Variants in TEKTIP1 observed in about 807,000 individuals in gnomAD.
TEKTIP1 encodes tektin bundle interacting protein 1.
At chr19:3,542,471 GTC>G in the TEKTIP1 span, 2 of 984,820 alleles carry the variant, frequency 2.0e-6, no homozygotes, top group Non-Finnish European at 2.4e-6. Flanking sequence ...ACATCTTTGA[GTC>G]TCTTGTCTTT....
chr19:3,539,338 G>A, the TEKTIP1 span: 1 of 777,540 alleles, frequency 1.3e-6, no homozygotes, highest in Non-Finnish European at 2.0e-6. Context: ...CATGGTGTTT[G>A]GTTTGGGGTC....
chr19:3,542,946 C>T, the TEKTIP1 span: 1 of 1,497,560 alleles, frequency 6.7e-7, no homozygotes, highest in Non-Finnish European at 9.0e-7. Flanking sequence ...GGCCCTTGTC[C>T]TCTCCCCTCC....
At chr19:3,540,902 G>A in the TEKTIP1 span, among the ~76,000 whole-genome samples, 3 of 146,996 alleles carry the variant, frequency 2.0e-5, no homozygotes, top group African/African-American at 2.4e-5. Flanking sequence ...CAGGCGCAGT[G>A]GCTCACGCCT....
At chr19:3,539,483 T>C in the TEKTIP1 span, 1 of 541,862 alleles carries the variant, frequency 1.8e-6, no homozygotes, top group Admixed American at 3.1e-5. Context: ...CAAATGTGTC[T>C]GCGGCCGTCT....
At chr19:3,539,869 T>A in the TEKTIP1 span, 2 of 152,376 alleles carry the variant, frequency 1.3e-5, no homozygotes, top group African/African-American at 4.8e-5. Context: ...CAGTGTCTAT[T>A]ATCAATTGTT....
At chr19:3,540,096 T>TG in the TEKTIP1 span, 2 of 144,674 alleles carry the variant, frequency 1.4e-5, no homozygotes, top group Admixed American at 1.4e-4. Context: ...TTTCTTTTTT[T>TG]TTTTTTTTTT....
chr19:3,542,194 A>C, the TEKTIP1 span: 4 of 985,386 alleles, frequency 4.1e-6, no homozygotes, highest in Non-Finnish European at 4.8e-6. Context: ...CTGATCTTGA[A>C]ATTGCCTTTC....
chr19:3,542,770 A>G, the TEKTIP1 span: 25 of 1,361,960 alleles, frequency 1.8e-5, no homozygotes, highest in Middle Eastern at 2.3e-4. Context: ...AGCGTGAGCC[A>G]CACACCTGGC....
the TEKTIP1 span, chr19:3,541,622 A>G: frequency 2.0e-6 from 2 of 984,732 alleles, no homozygotes; most frequent in South Asian, 4.7e-5. Context: ...CACCCAGTGC[A>G]AGACCCTATT....
chr19:3,541,888 A>G, the TEKTIP1 span: 58 of 765,618 alleles, frequency 7.6e-5, no homozygotes, highest in East Asian at 6.3e-3. Context: ...GGCTCACTGC[A>G]ACCTCCGCCT....
chr19:3,543,881 C>G, the TEKTIP1 span: 2 of 1,550,494 alleles, frequency 1.3e-6, no homozygotes, highest in Non-Finnish European at 1.7e-6. Flanking sequence ...CATCAGACTA[C>G]GTGCCCTCCC....
the TEKTIP1 span, chr19:3,543,661 A>C: frequency 5.2e-6 from 8 of 1,541,018 alleles, no homozygotes; most frequent in South Asian, 6.0e-5. Flanking sequence ...AAGACAGGCC[A>C]ATCCGGGGCA....
chr19:3,542,948 C>T, the TEKTIP1 span: 2 of 1,501,902 alleles, frequency 1.3e-6, no homozygotes, highest in Non-Finnish European at 1.8e-6. Context: ...CCCTTGTCCT[C>T]TCCCCTCCCT....
chr19:3,543,075 T>C, the TEKTIP1 span: 29 of 1,585,752 alleles, frequency 1.8e-5, no homozygotes, highest in Non-Finnish European at 2.5e-5. Flanking sequence ...CACTCTGGGG[T>C]GAGGGGTACA....
chr19:3,543,045 A>C, the TEKTIP1 span: 5 of 1,605,188 alleles, frequency 3.1e-6, no homozygotes, highest in South Asian at 2.2e-5. Context: ...AGGGGGAGTC[A>C]GCCTCTCTCC....
chr19:3,542,405 G>T, the TEKTIP1 span: 7 of 985,430 alleles, frequency 7.1e-6, no homozygotes, highest in Non-Finnish European at 7.2e-6. Flanking sequence ...CAGCAACCTT[G>T]TTTTCTGGGA....
the TEKTIP1 span, among the ~76,000 whole-genome samples, chr19:3,540,790 A>T: frequency 6.7e-6 from 1 of 149,624 alleles, no homozygotes; most frequent in East Asian, 2.0e-4. Flanking sequence ...GAGGCAGGAG[A>T]ATCACTTGAA....
the TEKTIP1 span, chr19:3,543,738 C>T: frequency 6.7e-7 from 1 of 1,493,458 alleles, no homozygotes; most frequent in Non-Finnish European, 9.0e-7. Flanking sequence ...CCACCTAGGC[C>T]AGGGTGAAAC....
chr19:3,542,963 TCCAGGCAAGAA>T, the TEKTIP1 span: 1 of 1,532,940 alleles, frequency 6.5e-7, no homozygotes, highest in South Asian at 1.1e-5. Context: ...CTCCCTCTTC[TCCAGGCAAGAA>T]AAGCTGAGAA....
Sources: gnomAD v4.1 joint callset for allele counts (sites outside exome capture counted in the v4.1 genomes callset) on GRCh38, gnomAD v4.1.1 for gene constraint, MANE v1.5 for transcripts, NCBI Gene and HGNC (gene_info 2026-07-23, HGNC 2026-07-21) for gene names.